Variants in LCMT1 observed in about 807,000 individuals in gnomAD.
LCMT1 encodes [Phosphatase 2A protein]-leucine-carboxy methyltransferase 1.
Under a neutral mutation model 47.7 loss-of-function variants are expected in LCMT1, and 32 were observed. The observed-to-expected ratio is 0.67, with a 90% CI of 0.51 to 0.90. The LOEUF (loss-of-function observed/expected upper bound fraction) is 0.90. Ranked by LOEUF, LCMT1 falls within the 40% of genes least tolerant of loss-of-function variation. LCMT1 has a pLI of 0.00. For missense variants in LCMT1, 375 were observed against 415.2 expected, an observed-to-expected ratio of 0.90 and a Z score of 0.84; for synonymous variants, 152 against 149.7, an observed-to-expected ratio of 1.02 and a Z score of -0.11.
rs1555480763 is a variant in LCMT1 at position 25,117,868 on chromosome 16, A to AT, written c.113+5875dup. Among the ~76,000 whole-genome samples, 790 of 151,810 alleles carry AT rather than the reference A, an allele frequency of 5.2e-3. 16 individuals are homozygous for AT. The highest frequency in any genetic ancestry group is 0.018 in the African/African-American group (755 of 41,362). On this transcript the variant is annotated intron_variant, in intron 1 of 10. Transcript: ENST00000399069. ...CTCCGTCTCAAAAAAAAAAAAAAAA[A>AT]TTTGACATCATCTTGGAACTGCCCC...
At chr16:25,177,685 C>T (rs546279475) in intron 10 of LCMT1, among the ~76,000 whole-genome samples, 2 of 152,318 alleles carry the variant, frequency 1.3e-5, no homozygotes, top group South Asian at 2.1e-4. Context: ...GACATCAGTG[C>T]TTGTCTGTGT....
At position 25,140,242 on chromosome 16, in the gene LCMT1, T is replaced by G. The variant is rs190650871; in HGVS notation, c.399T>G (p.Ser133Arg). 2 of 1,595,904 alleles carry G rather than the reference T, an allele frequency of 1.3e-6. No individual in the cohort carries two copies. Among genetic ancestry groups the G allele is most frequent in the Non-Finnish European group, 1.7e-6 (2 of 1,170,060 alleles). ...TGATTGTCACGAGAAAGCTGCACAG[T>G]ATCAAGTAAGTGTGGCATGGCCAGA... ...FPMIVTRKLH[S>R]IKCKPPLSSP... The change falls in exon 4 of 11, where the codon AGT (serine) becomes AGG (arginine). Residue 133 changes from serine (S) to arginine (R), a missense_variant. By Grantham distance (110) the Ser-to-Arg change is moderately radical. Coordinates refer to ENST00000399069, the MANE Select transcript of LCMT1 (RefSeq NM_016309.3).
chr16:25,166,575 AT>A (rs1961598160), intron 7 of LCMT1, among the ~76,000 whole-genome samples: 1 of 151,774 alleles, frequency 6.6e-6, no homozygotes, highest in South Asian at 2.1e-4. Context: ...TAATTTTTAA[AT>A]TTTTTTTGTA....
intron 5 of LCMT1, among the ~76,000 whole-genome samples, chr16:25,159,966 C>CTTTT (rs11453219): frequency 3.4e-5 from 5 of 145,874 alleles, no homozygotes; most frequent in African/African-American, 5.0e-5. Context: ...AATTTGTTAA[C>CTTTT]TTTTTTTTTT....
chr16:25,139,242 C>T (rs976071858), intron 3 of LCMT1, among the ~76,000 whole-genome samples: 1 of 152,194 alleles, frequency 6.6e-6, no homozygotes, highest in African/African-American at 2.4e-5. Flanking sequence ...AATCCTGGCC[C>T]AGTGAGTTTA....
Position 25,151,537 on chromosome 16 carries a change from T to C in LCMT1, c.405-17T>C, listed in dbSNP as rs760890386. On this transcript the variant is annotated splice_polypyrimidine_tract_variant and intron_variant, in intron 4 of 10. Coordinates refer to ENST00000399069, the MANE Select transcript of LCMT1 (RefSeq NM_016309.3). ...GCAAATAGACTCATTTTTCTCCTCTTTCCCATCTTCCCATAGATGCAAGCC... is the reference window on the plus strand; with the variant it reads ...GCAAATAGACTCATTTTTCTCCTCTCTCCCATCTTCCCATAGATGCAAGCC... The C allele has an allele frequency of 4.5e-5, 72 of 1,606,796 alleles. No individual in the cohort carries two copies. The highest frequency in any genetic ancestry group is 1.7e-4 in the Middle Eastern group (1 of 6,052).
chr16:25,160,986 A>AT (rs11408755), intron 5 of LCMT1, 116 bp from the exon 6 acceptor site: 324,138 of 505,538 alleles, frequency 0.64, 73,092 homozygotes, highest in African/African-American at 0.8. Flanking sequence ...CCTCTTACGT[A>AT]TTTTTTTTTT....
chr16:25,126,741 T>C (rs1424422818), intron 1 of LCMT1, among the ~76,000 whole-genome samples: 3 of 152,176 alleles, frequency 2.0e-5, no homozygotes, highest in Non-Finnish European at 2.9e-5. Context: ...GGCAAATTGA[T>C]CAGGTTTTCA....
At chr16:25,154,486 GTTC>G (rs1413888789) in intron 5 of LCMT1, among the ~76,000 whole-genome samples, 1 of 139,782 alleles carries the variant, frequency 7.2e-6, no homozygotes, top group Non-Finnish European at 1.6e-5. Context: ...ACATGGATGT[GTTC>G]TTTTTTTTTT....
chr16:25,117,956 G>A (rs971825002), intron 1 of LCMT1, among the ~76,000 whole-genome samples: 5 of 152,126 alleles, frequency 3.3e-5, no homozygotes, highest in African/African-American at 9.7e-5. Flanking sequence ...GTATTTAGGG[G>A]ATGAGGGAAT....
chr16:25,139,985 T>G (rs1457211785), intron 3 of LCMT1, 186 bp from the exon 4 acceptor site: 1 of 570,564 alleles, frequency 1.8e-6, no homozygotes, highest in Non-Finnish European at 3.1e-6. Context: ...ACTTTTTACC[T>G]TCATCTGTGC....
In LCMT1 at chr16:25,151,488, A is replaced by G; in HGVS notation, c.405-66A>G. The G allele has an allele frequency of 1.6e-5, 21 of 1,317,398 alleles. No individual in the cohort carries two copies. The South Asian group carries it at 2.0e-4, about 12-fold the overall frequency. 81.6% of individuals were successfully genotyped at this position (1,317,398 alleles called of 1,614,324 possible). Reference sequence around the variant, plus strand: ...GTGAGTGTCTGCATTTGTGCAGTAAATGAGCTCATGAGTAAATTGAGGAGC... The same window carrying G: ...GTGAGTGTCTGCATTTGTGCAGTAAGTGAGCTCATGAGTAAATTGAGGAGC... On this transcript the variant is annotated intron_variant, in intron 4 of 10. Transcript: ENST00000399069.
chr16:25,125,651 G>A (rs1008785429), intron 1 of LCMT1, among the ~76,000 whole-genome samples: 6 of 151,948 alleles, frequency 3.9e-5, no homozygotes, highest in African/African-American at 1.5e-4. Context: ...GCCCAAGGTG[G>A]TGAAACCCCG....
At chr16:25,132,113 C>A in intron 2 of LCMT1, 1 of 450,256 alleles carries the variant, frequency 2.2e-6, no homozygotes. Context: ...GGACTTTAGA[C>A]GTTTCAATGT....
At chr16:25,170,664 G>A (rs770710687) in intron 8 of LCMT1, 50 bp from the exon 9 acceptor site, 29 of 1,377,696 alleles carry the variant, frequency 2.1e-5, no homozygotes, top group Middle Eastern at 3.6e-4. Flanking sequence ...TTTGTAAGCC[G>A]GTGCCTGGTA....
At chr16:25,126,669 TG>T (rs1960201867) in intron 1 of LCMT1, among the ~76,000 whole-genome samples, 1 of 152,206 alleles carries the variant, frequency 6.6e-6, no homozygotes, top group African/African-American at 2.4e-5. Context: ...AATCTGGAGG[TG>T]AGAGGATAGA....
chr16:25,160,693 T>C, intron 5 of LCMT1: 1 of 497,152 alleles, frequency 2.0e-6, no homozygotes, highest in Admixed American at 2.1e-5. Context: ...AAATAAGTTA[T>C]GTTTTATCCA....
chr16:25,165,657 A>T (rs1961567910), intron 7 of LCMT1, among the ~76,000 whole-genome samples: 1 of 151,918 alleles, frequency 6.6e-6, no homozygotes, highest in Non-Finnish European at 1.5e-5. Flanking sequence ...AGCTGGGATC[A>T]CAGGCGTGCA....
At chr16:25,127,577 A>G (rs1960225952) in intron 1 of LCMT1, among the ~76,000 whole-genome samples, 1 of 152,216 alleles carries the variant, frequency 6.6e-6, no homozygotes, top group South Asian at 2.1e-4. Context: ...GCTGAGAGAC[A>G]TGACACACCC....
Sources: gnomAD v4.1 joint callset for allele counts (sites outside exome capture counted in the v4.1 genomes callset) on GRCh38, gnomAD v4.1.1 for gene constraint, MANE v1.5 for transcripts, NCBI Gene and HGNC (gene_info 2026-07-23, HGNC 2026-07-21) for gene names.